Variants in IFT81 observed in about 807,000 individuals in gnomAD.
IFT81 encodes intraflagellar transport 81, also known as intraflagellar transport protein 81 homolog.
Under a neutral mutation model 102.6 loss-of-function variants are expected in IFT81, and 72 were observed. That is an observed-to-expected ratio of 0.70 (90% CI 0.58 to 0.85). The LOEUF (loss-of-function observed/expected upper bound fraction) is 0.85, where lower values mean the gene tolerates loss of function less well. Among genes scored for constraint, IFT81 ranks in the 40% least tolerant of loss-of-function variants. The probability of loss-of-function intolerance (pLI) is 0.00; values close to 1 mark genes in which losing one functional copy is unlikely to be tolerated. For missense variants in IFT81, 723 were observed against 787.3 expected (o/e 0.92, Z 0.98); for synonymous variants, 237 against 242.7 (o/e 0.98, Z 0.22).
chr12:110,180,248 TATATA>T (rs1897267947), intron 11 of IFT81, among the ~76,000 whole-genome samples, 169 bp from the exon 12 acceptor site: 1 of 147,486 alleles, frequency 6.8e-6, no homozygotes, highest in Non-Finnish European at 1.5e-5. Flanking sequence ...ATTAAGTTAT[TATATA>T]ATATATAATT....
intron 6 of IFT81, 45 bp from the exon 7 acceptor site, chr12:110,135,282 C>T: frequency 7.8e-7 from 1 of 1,285,602 alleles, no homozygotes; most frequent in Admixed American, 2.1e-5. Flanking sequence ...TAATTTTTTT[C>T]TTCAAACCTG....
In IFT81 at chr12:110,192,620, A is replaced by G; in HGVS notation, c.1471A>G (p.Lys491Glu). ...RTLDDMSEMV[K>E]KLYSLVSEKK... ...ATATTTTTTGTTCAAATAACAGGTG[A>G]AAAAACTGTATTCATTGGTATCTGA... Residue 491 changes from lysine (K) to glutamate (E), a missense_variant, in exon 14 of 19, where the codon AAA becomes GAA. Coordinates refer to ENST00000242591, the MANE Select transcript of IFT81 (RefSeq NM_014055.4). 2 of 1,540,510 alleles carry G rather than the reference A, an allele frequency of 1.3e-6. No individual in the cohort carries two copies. Among genetic ancestry groups the G allele is most frequent in the South Asian group, 1.2e-5 (1 of 81,024 alleles).
intron 9 of IFT81, among the ~76,000 whole-genome samples, chr12:110,144,181 T>G (rs183306122): frequency 2.3e-4 from 35 of 151,420 alleles, no homozygotes; most frequent in Middle Eastern, 3.4e-3. Flanking sequence ...CCCGGCTAAT[T>G]TTTTGTTGTT....
chr12:110,201,457 G>T (rs531095852), intron 14 of IFT81, among the ~76,000 whole-genome samples: 46 of 151,530 alleles, frequency 3.0e-4, no homozygotes, highest in African/African-American at 1.1e-3. Context: ...TTGAGACAGG[G>T]TCTTGCTCTT....
chr12:110,192,547 C>A, intron 13 of IFT81, 70 bp from the exon 14 acceptor site: 1 of 790,024 alleles, frequency 1.3e-6, no homozygotes, highest in Non-Finnish European at 2.1e-6. Context: ...AAATTAATAT[C>A]TTTATGCATG....
In IFT81 at chr12:110,218,237, C is replaced by A; in HGVS notation, c.*11C>A. 1 of 1,508,490 alleles carries A rather than the reference C, an allele frequency of 6.6e-7. No individual in the cohort carries two copies. Among genetic ancestry groups the A allele is most frequent in the South Asian group, 1.4e-5 (1 of 72,422 alleles). The allele number at this position is 1,508,490 out of a possible 1,614,324, so 93.4% of individuals were successfully genotyped here. A position where few individuals can be genotyped will look rare whatever the true frequency, so the allele number is the denominator to read the frequency against. ...CGGCTAATACTGTGAATTCTTGTGTCATCGTTTGGGGTTTTACTTGATACC... is the reference window on the plus strand; with the variant it reads ...CGGCTAATACTGTGAATTCTTGTGTAATCGTTTGGGGTTTTACTTGATACC... On this transcript the variant is annotated 3_prime_UTR_variant, in exon 19 of 19. Coordinates refer to ENST00000242591, the MANE Select transcript of IFT81 (RefSeq NM_014055.4).
At chr12:110,167,847 CTTTTT>C (rs746060315) in intron 11 of IFT81, 211 of 227,512 alleles carry the variant, frequency 9.3e-4, no homozygotes, top group South Asian at 1.9e-3. Flanking sequence ...ATTTAGGTTT[CTTTTT>C]TTTTTTTTTT....
At chr12:110,152,178 G>A (rs1895575040) in intron 10 of IFT81, among the ~76,000 whole-genome samples, 2 of 152,056 alleles carry the variant, frequency 1.3e-5, no homozygotes. Flanking sequence ...CACACTAGTG[G>A]GATTGCTGGA....
intron 12 of IFT81, 64 bp from the exon 13 acceptor site, chr12:110,190,856 C>T: frequency 1.4e-6 from 2 of 1,405,314 alleles, no homozygotes; most frequent in South Asian, 1.7e-5. Flanking sequence ...GAAATTTGTA[C>T]ATTTCTTATG....
Position 110,171,238 on chromosome 12 carries a change from A to G in IFT81, c.1188+8173A>G, listed in dbSNP as rs189498448. 9.7e-4 allele frequency among the ~76,000 whole-genome samples: 147 copies of G among 151,974 alleles called. 1 individual carries two copies. Among genetic ancestry groups the G allele is most frequent in the Non-Finnish European group, 1.6e-3 (110 of 67,974 alleles). ...CAGTCTAGGTAATGCCACACTTTTA[A>G]CCCCAAATTTTAAAAGTTTTCATGG... On this transcript the variant is annotated intron_variant, in intron 11 of 18. Transcript: ENST00000242591.
intron 10 of IFT81, among the ~76,000 whole-genome samples, chr12:110,159,025 A>T (rs1039263660): frequency 6.6e-6 from 1 of 152,306 alleles, no homozygotes; most frequent in African/African-American, 2.4e-5. Context: ...CCTGGCTGTG[A>T]TTTTTTTGAT....
At chr12:110,173,213 T>TG (rs1175416804) in intron 11 of IFT81, among the ~76,000 whole-genome samples, 53 of 91,612 alleles carry the variant, frequency 5.8e-4, no homozygotes, top group Non-Finnish European at 6.3e-4. Flanking sequence ...GGGAGGGAGG[T>TG]GGGGGTTCAG....
Position 110,218,241 on chromosome 12 carries a change from G to C in IFT81, c.*15G>C. On this transcript the variant is annotated 3_prime_UTR_variant, in exon 19 of 19. Coordinates refer to ENST00000242591, the MANE Select transcript of IFT81 (RefSeq NM_014055.4). ...TAATACTGTGAATTCTTGTGTCATC[G>C]TTTGGGGTTTTACTTGATACCACTA... The C allele has an allele frequency of 6.6e-7, 1 of 1,503,908 alleles. No individual in the cohort carries two copies. 93.2% of individuals were successfully genotyped at this position (1,503,908 alleles called of 1,614,324 possible).
chr12:110,169,057 CT>C (rs1896603768), intron 11 of IFT81: 1 of 147,658 alleles, frequency 6.8e-6, no homozygotes, highest in African/African-American at 2.6e-5. Context: ...TCCTTCCTTC[CT>C]TCCTTCCTTC....
chr12:110,146,887 G>A (rs1374094496), intron 9 of IFT81, 66 bp from the exon 10 acceptor site: 14 of 1,449,806 alleles, frequency 9.7e-6, no homozygotes, highest in South Asian at 5.9e-5. Flanking sequence ...TTGGCCAGAC[G>A]TCACTTAGTT....
At chr12:110,185,010 TCAC>T (rs1436080574) in intron 12 of IFT81, among the ~76,000 whole-genome samples, 2 of 152,106 alleles carry the variant, frequency 1.3e-5, no homozygotes, top group Non-Finnish European at 2.9e-5. Flanking sequence ...CTTCCCCAAT[TCAC>T]CACAAGTGAA....
intron 13 of IFT81, among the ~76,000 whole-genome samples, chr12:110,191,719 A>C (rs1386413557): frequency 1.3e-5 from 2 of 152,014 alleles, no homozygotes; most frequent in Non-Finnish European, 2.9e-5. Context: ...GTACACTTTC[A>C]CCAGGCATTA....
At chr12:110,194,632 T>C (rs1274850893) in intron 14 of IFT81, among the ~76,000 whole-genome samples, 1 of 152,214 alleles carries the variant, frequency 6.6e-6, no homozygotes, top group Non-Finnish European at 1.5e-5. Flanking sequence ...ATATCTATTA[T>C]TTATTGATTA....
At chr12:110,176,563 A>G (rs1348084874) in intron 11 of IFT81, among the ~76,000 whole-genome samples, 1 of 152,176 alleles carries the variant, frequency 6.6e-6, no homozygotes, top group Non-Finnish European at 1.5e-5. Flanking sequence ...TGTTTTTTGT[A>G]TGACATTGAA....
Sources: allele counts gnomAD v4.1 joint callset (sites outside exome capture counted in the v4.1 genomes callset), GRCh38; gene constraint gnomAD v4.1.1; transcripts MANE v1.5; gene names NCBI Gene and HGNC (gene_info 2026-07-23, HGNC 2026-07-21).